The following LRP1B variants were observed in gnomAD, a reference collection of about 807,000 sequenced individuals.
LRP1B encodes low-density lipoprotein receptor-related protein 1B.
Under a neutral mutation model 556.6 loss-of-function variants are expected in LRP1B, and 217 were observed. The observed-to-expected ratio is 0.39, with a 90% CI of 0.35 to 0.44. LRP1B has a LOEUF of 0.44. Among genes scored for constraint, LRP1B ranks in the 20% least tolerant of loss-of-function variants. The pLI, the probability that LRP1B is intolerant of heterozygous loss-of-function variation, is 1.00. For synonymous variants in LRP1B, 2,047 were observed against 1,865.8 expected, an observed-to-expected ratio of 1.10 and a Z score of -2.50; for missense variants, 5,053 against 5,620.8, an observed-to-expected ratio of 0.90 and a Z score of 3.23.
Position 140,364,768 on chromosome 2 carries a change from C to G in LRP1B, c.11024G>C (p.Arg3675Thr), listed in dbSNP as rs1682676494. The G allele has an allele frequency of 6.2e-7, 1 of 1,609,544 alleles. No individual in the cohort carries two copies. Among genetic ancestry groups the G allele is most frequent in the South Asian group, 1.1e-5 (1 of 90,876 alleles). ...ENCERGGNIC[R>T]ADEFLCNNSL... ...ATTATTGCAAAGGAACTCATCAGCT[C>G]TACATATATTTCCTCCTTTATTTTA... is the stretch of plus-strand genomic sequence containing the variant. Residue 3675 changes from arginine (R) to threonine (T), a missense_variant, in exon 72 of 91, where the codon AGA becomes ACA. This residue lies in a region of LRP1B where 599 missense variants were observed against 648.4 expected (regional missense o/e 0.92). Coordinates refer to ENST00000389484, the MANE Select transcript of LRP1B (RefSeq NM_018557.3).
intron 35 of LRP1B, among the ~76,000 whole-genome samples, chr2:140,737,538 A>G (rs1042976236): frequency 1.3e-5 from 2 of 152,192 alleles, no homozygotes; most frequent in Non-Finnish European, 2.9e-5. Context: ...TGAAATGGAC[A>G]TACCTGGCAT....
intron 2 of LRP1B, among the ~76,000 whole-genome samples, chr2:141,647,717 A>T (rs2381156): frequency 0.82 from 121,651 of 147,630 alleles, 50,267 homozygotes; most frequent in East Asian, 0.93. Context: ...TTTTTTTTTT[A>T]AATAAGAGAG....
At chr2:140,702,049 C>A (rs2105427539) in intron 39 of LRP1B, 92 bp downstream of exon 39, 3 of 1,460,368 alleles carry the variant, frequency 2.1e-6, no homozygotes, top group Non-Finnish European at 2.8e-6. Flanking sequence ...CTTTTTGTGA[C>A]CTTGCTAAGA....
At chr2:140,579,185 C>T (rs1681659483) in intron 43 of LRP1B, among the ~76,000 whole-genome samples, 1 of 152,074 alleles carries the variant, frequency 6.6e-6, no homozygotes, top group South Asian at 2.1e-4. Flanking sequence ...TCTCAGTGCT[C>T]CTGCCAAAGC....
At chr2:141,570,105 T>C (rs929531532) in intron 2 of LRP1B, among the ~76,000 whole-genome samples, 1 of 149,910 alleles carries the variant, frequency 6.7e-6, no homozygotes, top group Non-Finnish European at 1.5e-5. Context: ...GATGACTGAC[T>C]AGAAGCAGAG....
chr2:141,264,342 CA>C (rs1310792135), intron 3 of LRP1B, among the ~76,000 whole-genome samples: 1 of 152,056 alleles, frequency 6.6e-6, no homozygotes, highest in Non-Finnish European at 1.5e-5. Flanking sequence ...ACAACTATTT[CA>C]AAAAGAAAAA....
At chr2:141,437,966 C>A (rs375638722) in intron 3 of LRP1B, among the ~76,000 whole-genome samples, 51 of 152,132 alleles carry the variant, frequency 3.4e-4, no homozygotes, top group African/African-American at 1.2e-3. Flanking sequence ...ATGAGTTTTA[C>A]AAATTGTACA....
At chr2:141,213,117 A>C (rs542242404) in intron 6 of LRP1B, among the ~76,000 whole-genome samples, 1 of 140,282 alleles carries the variant, frequency 7.1e-6, no homozygotes, top group African/African-American at 2.6e-5. Flanking sequence ...CAGCTAATTA[A>C]TTTTTTTTTT....
chr2:142,023,185 C>T (rs192567668), intron 1 of LRP1B, among the ~76,000 whole-genome samples: 114 of 152,298 alleles, frequency 7.5e-4, no homozygotes, highest in Non-Finnish European at 3.2e-4. Flanking sequence ...TCTATAGCTT[C>T]TGATGTGTGT....
intron 20 of LRP1B, among the ~76,000 whole-genome samples, chr2:140,934,375 ATAG>A (rs1478273573): frequency 2.0e-5 from 3 of 152,138 alleles, no homozygotes; most frequent in Non-Finnish European, 4.4e-5. Context: ...AATGAGGATT[ATAG>A]AAAGACAGCA....
At chr2:141,707,075 G>A (rs1481097760) in intron 2 of LRP1B, among the ~76,000 whole-genome samples, 1 of 152,054 alleles carries the variant, frequency 6.6e-6, no homozygotes, top group Non-Finnish European at 1.5e-5. Context: ...ATAAGTTTTA[G>A]GTCTCTGAAT....
chr2:140,361,370 ATATATATAT>A (rs1340618904), intron 72 of LRP1B, among the ~76,000 whole-genome samples: 1 of 132,526 alleles, frequency 7.5e-6, no homozygotes, highest in Non-Finnish European at 1.6e-5. Context: ...ATATATATAT[ATATATATAT>A]AACAAAAATA....
chr2:141,585,955 C>T (rs1240647927), intron 2 of LRP1B, among the ~76,000 whole-genome samples: 1 of 151,644 alleles, frequency 6.6e-6, no homozygotes, highest in African/African-American at 2.4e-5. Context: ...TGGACTCAAG[C>T]CATCCTCCTG....
chr2:140,774,046 T>C (rs1036201245), intron 33 of LRP1B, among the ~76,000 whole-genome samples: 1 of 152,098 alleles, frequency 6.6e-6, no homozygotes, highest in Non-Finnish European at 1.5e-5. Context: ...TTGTCAAAAA[T>C]GATATATTAA....
intron 1 of LRP1B, among the ~76,000 whole-genome samples, chr2:141,922,893 A>G (rs1312485790): frequency 1.3e-5 from 2 of 152,034 alleles, no homozygotes. Flanking sequence ...TGAACTCAGG[A>G]GTTCAAGACC....
chr2:141,006,043 C>T (rs1044784724), intron 14 of LRP1B, among the ~76,000 whole-genome samples: 2 of 151,806 alleles, frequency 1.3e-5, no homozygotes, highest in African/African-American at 2.4e-5. Flanking sequence ...GAGGCACTAA[C>T]GAGGTATACA....
chr2:141,978,267 A>T (rs1033001672), intron 1 of LRP1B, among the ~76,000 whole-genome samples: 2 of 152,038 alleles, frequency 1.3e-5, no homozygotes, highest in African/African-American at 4.8e-5. Flanking sequence ...TTACTAAAAA[A>T]CCTAATGTGA....
At chr2:141,857,886 G>A (rs1435594) in intron 1 of LRP1B, among the ~76,000 whole-genome samples, 150,979 of 152,198 alleles carry the variant, frequency 0.99, 74,891 homozygotes, top group Non-Finnish European at 1. Context: ...TGTCACCTTA[G>A]CCCTTTTCCT....
intron 2 of LRP1B, among the ~76,000 whole-genome samples, chr2:141,757,071 T>G (rs1694347869): frequency 6.6e-6 from 1 of 152,186 alleles, no homozygotes; most frequent in Non-Finnish European, 1.5e-5. Context: ...GTTTAATATT[T>G]GTACATTTTC....
Sources: allele counts gnomAD v4.1 joint callset (sites outside exome capture counted in the v4.1 genomes callset), GRCh38; gene constraint gnomAD v4.1.1; regional missense constraint gnomAD v4.1.1; transcripts MANE v1.5; gene names NCBI Gene and HGNC (gene_info 2026-07-23, HGNC 2026-07-21).